The following BLK variants were observed in gnomAD, a reference collection of about 807,000 sequenced individuals.
BLK encodes BLK proto-oncogene, Src family tyrosine kinase.
BLK carries 64 observed loss-of-function variants against 61.8 expected under a neutral mutation model. The ratio of observed to expected loss-of-function variants is 1.03; its 90% CI spans 0.85 to 1.27. The LOEUF (loss-of-function observed/expected upper bound fraction) is 1.27. BLK is among the 50% of genes most tolerant of loss of function. The pLI, the probability that BLK is intolerant of heterozygous loss-of-function variation, is 0.00. For synonymous variants in BLK, 351 were observed against 272.0 expected (o/e 1.29, Z -2.86); for missense variants, 853 against 660.5 (o/e 1.29, Z -3.19).
At chr8:11,555,197 G>A in intron 7 of BLK, 135 bp from the exon 8 acceptor site, 2 of 1,197,230 alleles carry the variant, frequency 1.7e-6, no homozygotes, top group South Asian at 1.2e-5. Context: ...GTGTGCATGT[G>A]CAGGCGTGTG....
intron 2 of BLK, 25 bp from the exon 3 acceptor site, chr8:11,546,027 C>G: frequency 6.2e-7 from 1 of 1,613,612 alleles, no homozygotes; most frequent in East Asian, 2.2e-5. Context: ...ACTGAAATAA[C>G]TCAAGTGTGT....
Position 11,507,753 on chromosome 8 carries a change from G to C in BLK, c.-2+13162G>C, listed in dbSNP as rs752253676. ...TGACAGTGAGGCAGGATGGTGACCT[G>C]GATTAGGACTGGAGGGGGAACCTGA... On this transcript the variant is annotated intron_variant, in intron 1 of 12. Coordinates refer to ENST00000259089, the MANE Select transcript of BLK (RefSeq NM_001715.3). 2.6e-5 allele frequency among the ~76,000 whole-genome samples: 4 copies of C among 152,210 alleles called. No homozygotes were observed. The East Asian group carries it at 7.7e-4, about 29-fold the overall frequency.
At chr8:11,505,944 TG>T (rs1438017130) in intron 1 of BLK, among the ~76,000 whole-genome samples, 1 of 152,224 alleles carries the variant, frequency 6.6e-6, no homozygotes, top group Non-Finnish European at 1.5e-5. Context: ...CCAGTCCTAA[TG>T]TCCCTGCCTC....
chr8:11,515,584 A>G (rs990793035), intron 1 of BLK, among the ~76,000 whole-genome samples: 2 of 151,656 alleles, frequency 1.3e-5, no homozygotes, highest in Non-Finnish European at 2.9e-5. Context: ...GCCTGCCTCT[A>G]TTTCCCCCTT....
intron 1 of BLK, among the ~76,000 whole-genome samples, chr8:11,539,564 A>C (rs2248316): frequency 0.41 from 62,287 of 151,784 alleles, 13,709 homozygotes; most frequent in Non-Finnish European, 0.5. Context: ...GGGACTGAAA[A>C]TCAAAAGGTA....
At chr8:11,523,674 T>C (rs765986908) in intron 1 of BLK, among the ~76,000 whole-genome samples, 3 of 152,170 alleles carry the variant, frequency 2.0e-5, no homozygotes, top group African/African-American at 7.2e-5. Context: ...TTCCATATCA[T>C]TGACAAAATG....
At chr8:11,503,491 G>A (rs1354685556) in intron 1 of BLK, among the ~76,000 whole-genome samples, 1 of 152,198 alleles carries the variant, frequency 6.6e-6, no homozygotes, top group Non-Finnish European at 1.5e-5. Context: ...GACGTGAGAT[G>A]CTCTATTTTT....
At chr8:11,529,165 G>C (rs1179384689) in intron 1 of BLK, among the ~76,000 whole-genome samples, 1 of 152,182 alleles carries the variant, frequency 6.6e-6, no homozygotes, top group African/African-American at 2.4e-5. Flanking sequence ...AAATCGCCCA[G>C]TGGGTTCACC....
At chr8:11,518,750 C>A (rs965606361) in intron 1 of BLK, among the ~76,000 whole-genome samples, 3 of 152,146 alleles carry the variant, frequency 2.0e-5, no homozygotes, top group Non-Finnish European at 4.4e-5. Context: ...CCCAACCCTT[C>A]CCCAGCTGGT....
chr8:11,556,945 G>T, intron 9 of BLK, 108 bp downstream of exon 9: 8 of 987,772 alleles, frequency 8.1e-6, no homozygotes, highest in East Asian at 5.1e-5. Flanking sequence ...GGGTCCTGCA[G>T]ATCTAGGGCA....
At chr8:11,560,950 C>G (rs1314051998) in intron 10 of BLK, 2 of 492,986 alleles carry the variant, frequency 4.1e-6, no homozygotes, top group Non-Finnish European at 4.0e-6. Flanking sequence ...TCCCCCTCCC[C>G]CTCCTTCCTT....
chr8:11,548,890 C>T, intron 4 of BLK, 134 bp from the exon 5 acceptor site: 2 of 830,662 alleles, frequency 2.4e-6, no homozygotes, highest in African/African-American at 1.7e-5. Context: ...AAGCCCCTTC[C>T]TGCCTGCCGT....
intron 1 of BLK, among the ~76,000 whole-genome samples, chr8:11,526,292 T>A (rs150370513): frequency 1.3e-5 from 2 of 152,374 alleles, no homozygotes; most frequent in African/African-American, 4.8e-5. Context: ...TTAAATAATA[T>A]ATTTAAATGT....
intron 1 of BLK, among the ~76,000 whole-genome samples, chr8:11,533,523 T>A (rs1021474694): frequency 1.3e-5 from 2 of 151,606 alleles, no homozygotes. Flanking sequence ...GACCAAGGGT[T>A]TGAAGTCAGA....
rs769089356 is a variant in BLK at position 11,511,402 on chromosome 8, C to G, written c.-2+16811C>G. On this transcript the variant is annotated intron_variant, in intron 1 of 12. Coordinates refer to ENST00000259089, the MANE Select transcript of BLK (RefSeq NM_001715.3). ...GGCACATGTATACATATGTAACAAACCTGTATGTTGTGCACATGTACCCTA... is the reference window on the plus strand; with the variant it reads ...GGCACATGTATACATATGTAACAAAGCTGTATGTTGTGCACATGTACCCTA... 1.4e-3 allele frequency among the ~76,000 whole-genome samples: 212 copies of G among 151,480 alleles called. 1 individual carries two copies. The highest frequency in any genetic ancestry group is 1.1e-3 in the Non-Finnish European group (78 of 67,942).
Position 11,533,008 on chromosome 8 carries a change from G to A in BLK, c.-1-10216G>A, listed in dbSNP as rs117337498. The stretch of plus-strand genomic sequence containing the variant: ...ATGGGAAGGTATATGTCTGCTGTCA[G>A]GGCTACATATAATACATGAAAAGCA... On this transcript the variant is annotated intron_variant, in intron 1 of 12. Coordinates refer to ENST00000259089, the MANE Select transcript of BLK (RefSeq NM_001715.3). Among the ~76,000 whole-genome samples the A allele has an allele frequency of 5.1e-3, 782 of 152,344 alleles. 2 individuals carry two copies. The highest frequency in any genetic ancestry group is 8.1e-3 in the Non-Finnish European group (554 of 68,036).
intron 6 of BLK, chr8:11,552,462 T>C (rs1168389510): frequency 6.6e-6 from 1 of 152,246 alleles, no homozygotes; most frequent in Admixed American, 6.5e-5. Context: ...AGCACCTCTG[T>C]ACAAGAAATA....
In BLK at chr8:11,498,793, A is replaced by C. The variant is rs74369035; in HGVS notation, c.-2+4202A>C. ...TATTTCTTCATTCATTGATAATAGCACATCACAGGATTAACAGAATTAAAT... is the reference window on the plus strand; with the variant it reads ...TATTTCTTCATTCATTGATAATAGCCCATCACAGGATTAACAGAATTAAAT... On this transcript the variant is annotated intron_variant, in intron 1 of 12. Coordinates refer to ENST00000259089, the MANE Select transcript of BLK (RefSeq NM_001715.3). Among the ~76,000 whole-genome samples, 54 of 152,336 alleles carry C rather than the reference A, an allele frequency of 3.5e-4. No homozygotes were observed. The East Asian group carries it at 8.9e-3, about 25-fold the overall frequency.
intron 1 of BLK, among the ~76,000 whole-genome samples, chr8:11,510,610 G>A (rs544007505): frequency 6.6e-6 from 1 of 152,144 alleles, no homozygotes; most frequent in East Asian, 1.9e-4. Context: ...AAAAAACCCA[G>A]CTTTCTCTCT....
Sources: gnomAD v4.1 joint callset for allele counts (sites outside exome capture counted in the v4.1 genomes callset) on GRCh38, gnomAD v4.1.1 for gene constraint, MANE v1.5 for transcripts, NCBI Gene and HGNC (gene_info 2026-07-23, HGNC 2026-07-21) for gene names.